TRDN: variants seen among roughly 807,000 people sequenced by gnomAD.
TRDN encodes triadin in skeletal muscle.
In TRDN, 161 loss-of-function variants were observed where a neutral mutation model predicts 149.7. The observed-to-expected ratio is 1.08, with a 90% CI of 0.95 to 1.23. TRDN has a LOEUF of 1.23. Ranked by LOEUF, TRDN falls within the 50% of genes most tolerant of loss-of-function variation. TRDN has a pLI of 0.00. For synonymous variants in TRDN, 294 were observed against 250.5 expected, an observed-to-expected ratio of 1.17 and a Z score of -1.64; for missense variants, 896 against 823.5, an observed-to-expected ratio of 1.09 and a Z score of -1.08.
chr6:123,342,303 T>C (rs560756953), intron 21 of TRDN, among the ~76,000 whole-genome samples: 7 of 152,022 alleles, frequency 4.6e-5, no homozygotes, highest in Admixed American at 4.6e-4. Flanking sequence ...GGAGATGAGA[T>C]GAACTAGGAT....
chr6:123,288,628 A>ATTTT (rs1224544420), intron 24 of TRDN, among the ~76,000 whole-genome samples: 12 of 151,806 alleles, frequency 7.9e-5, no homozygotes, highest in African/African-American at 2.9e-4. Context: ...ATGTGAAAAG[A>ATTTT]TGTTTGACAT....
intron 24 of TRDN, among the ~76,000 whole-genome samples, chr6:123,296,594 GA>G (rs774833985): frequency 1.3e-5 from 2 of 151,944 alleles, no homozygotes; most frequent in Non-Finnish European, 2.9e-5. Flanking sequence ...GACTCTAAGA[GA>G]AAATGCCTTC....
rs1450208106 is a variant in TRDN at position 123,475,976 on chromosome 6, G to A, written c.854-10993C>T. 3.7e-5 allele frequency among the ~76,000 whole-genome samples: 5 copies of A among 135,518 alleles called. No homozygotes were observed. In the South Asian group the frequency reaches 1.1e-3, roughly 30 times the overall value. 88.9% of individuals were successfully genotyped at this position (135,518 alleles called of 152,430 possible). On this transcript the variant is annotated intron_variant, in intron 9 of 40. Coordinates refer to ENST00000334268, the MANE Select transcript of TRDN (RefSeq NM_006073.4). ...CATACTGAATGGGCAAAAACTGGAA[G>A]CATTCCCTTTGAAAACTGGCACAAG...
chr6:123,636,886 G>C lies in TRDN; in HGVS notation c.-111C>G. On this transcript the variant is annotated 5_prime_UTR_variant, in exon 1 of 41. Coordinates refer to ENST00000334268, the MANE Select transcript of TRDN (RefSeq NM_006073.4). ...GAGGGTTCTGTGTCAAAACCTGGGG[G>C]CTCTTCGTTTTCCTGGCTGTTTCTG... The C allele has an allele frequency of 2.3e-6, 3 of 1,294,582 alleles. No individual in the cohort carries two copies. The highest frequency in any genetic ancestry group is 3.3e-6 in the Non-Finnish European group (3 of 902,122). 80.2% of individuals were successfully genotyped at this position (1,294,582 alleles called of 1,614,324 possible).
intron 40 of TRDN, among the ~76,000 whole-genome samples, chr6:123,220,156 C>T (rs1355394826): frequency 1.3e-5 from 2 of 151,664 alleles, no homozygotes; most frequent in African/African-American, 2.4e-5. Flanking sequence ...AAAGTATTTG[C>T]GTTTTGTTTT....
At chr6:123,400,167 GTATATATATA>G (rs374126829) in intron 12 of TRDN, among the ~76,000 whole-genome samples, 1 of 123,396 alleles carries the variant, frequency 8.1e-6, no homozygotes, top group Non-Finnish European at 1.7e-5. Flanking sequence ...ATATGTATGT[GTATATATATA>G]TATATATATA....
At chr6:123,446,272 A>T in intron 10 of TRDN, among the ~76,000 whole-genome samples, 1 of 151,922 alleles carries the variant, frequency 6.6e-6, no homozygotes, top group South Asian at 2.1e-4. Flanking sequence ...GCATTGGGAG[A>T]TATACCTAAT....
At chr6:123,503,079 A>G in intron 8 of TRDN, 9 of 985,308 alleles carry the variant, frequency 9.1e-6, no homozygotes, top group Non-Finnish European at 1.1e-5. Context: ...TGGGGATGTA[A>G]GTTTGACATC....
At chr6:123,363,649 G>A (rs1256235522) in intron 20 of TRDN, among the ~76,000 whole-genome samples, 1 of 152,074 alleles carries the variant, frequency 6.6e-6, no homozygotes, top group East Asian at 1.9e-4. Context: ...GCAAGTCTAC[G>A]TAACCCCAAC....
At chr6:123,535,796 TTTAA>T (rs1780498765) in intron 4 of TRDN, among the ~76,000 whole-genome samples, 1 of 152,142 alleles carries the variant, frequency 6.6e-6, no homozygotes, top group African/African-American at 2.4e-5. Flanking sequence ...AAAGAATTAT[TTTAA>T]TTATTTTAAT....
intron 21 of TRDN, chr6:123,350,935 A>G: frequency 1.0e-6 from 1 of 985,054 alleles, no homozygotes; most frequent in Non-Finnish European, 1.2e-6. Context: ...TCTCTTGTCC[A>G]CTAGAGGAGA....
chr6:123,340,542 TG>T lies in TRDN; in HGVS notation c.1370-2874del, dbSNP rs1780027687. Among the ~76,000 whole-genome samples the T allele has an allele frequency of 2.0e-5, 3 of 152,056 alleles. No individual in the cohort carries two copies. In the South Asian group the frequency reaches 6.2e-4, roughly 32 times the overall value. On this transcript the variant is annotated intron_variant, in intron 21 of 40. Transcript: ENST00000334268. Reference sequence around the variant, plus strand: ...AAATTATCAGGCAGTTAAGATCCCTTGGTTCTATAAAGAACCAAATTCAAAA... The same window carrying T: ...AAATTATCAGGCAGTTAAGATCCCTTGTTCTATAAAGAACCAAATTCAAAA...
At chr6:123,322,651 T>C (rs1007730819) in intron 23 of TRDN, among the ~76,000 whole-genome samples, 1 of 139,828 alleles carries the variant, frequency 7.2e-6, no homozygotes, top group African/African-American at 2.7e-5. Flanking sequence ...TTATTATTAT[T>C]ATTATTTTTG....
At chr6:123,518,799 C>T (rs1317122159) in intron 5 of TRDN, among the ~76,000 whole-genome samples, 1 of 152,136 alleles carries the variant, frequency 6.6e-6, no homozygotes, top group East Asian at 1.9e-4. Context: ...CAGCTGGACC[C>T]TTGGGCCCTA....
At chr6:123,549,410 T>A (rs778698189) in intron 2 of TRDN, among the ~76,000 whole-genome samples, 4 of 152,084 alleles carry the variant, frequency 2.6e-5, no homozygotes, top group Non-Finnish European at 4.4e-5. Context: ...AGGTGATCTA[T>A]CTAGAAATAT....
chr6:123,518,995 C>T (rs1481300503), intron 5 of TRDN, among the ~76,000 whole-genome samples: 6 of 152,186 alleles, frequency 3.9e-5, no homozygotes, highest in African/African-American at 1.2e-4. Flanking sequence ...TTCGCTTGAG[C>T]GTCTCTGCTT....
chr6:123,589,440 C>A (rs968898406), intron 1 of TRDN, among the ~76,000 whole-genome samples: 1 of 152,100 alleles, frequency 6.6e-6, no homozygotes, highest in Admixed American at 6.6e-5. Flanking sequence ...ATTGCAAACC[C>A]ACTGAAACAG....
chr6:123,585,840 G>T (rs1486485818), intron 1 of TRDN, among the ~76,000 whole-genome samples: 1 of 152,018 alleles, frequency 6.6e-6, no homozygotes, highest in African/African-American at 2.4e-5. Flanking sequence ...AGATGTGGCT[G>T]GGGTTTGTCT....
chr6:123,297,805 A>G (rs1288691401), intron 24 of TRDN, among the ~76,000 whole-genome samples: 1 of 152,060 alleles, frequency 6.6e-6, no homozygotes, highest in Non-Finnish European at 1.5e-5. Context: ...CTTTTCCACT[A>G]CTGAGTCACA....
Sources: gnomAD v4.1 joint callset for allele counts (sites outside exome capture counted in the v4.1 genomes callset) on GRCh38, gnomAD v4.1.1 for gene constraint, MANE v1.5 for transcripts, NCBI Gene and HGNC (gene_info 2026-07-23, HGNC 2026-07-21) for gene names.